EFCAB11: variants seen among roughly 807,000 people sequenced by gnomAD.
EFCAB11 encodes EF-hand calcium binding domain 11.
In EFCAB11, 14 loss-of-function variants were observed where a neutral mutation model predicts 23.0. The ratio of observed to expected loss-of-function variants is 0.61; its 90% CI spans 0.40 to 0.95. The LOEUF is 0.95. Among genes scored for constraint, EFCAB11 ranks in the 40% least tolerant of loss-of-function variants. The pLI is 0.00. For synonymous variants in EFCAB11, 65 were observed against 66.6 expected (o/e 0.98, Z 0.11); for missense variants, 198 against 195.8 (o/e 1.01, Z -0.07).
At chr14:89,904,955 G>A (rs1393336827) in intron 5 of EFCAB11, among the ~76,000 whole-genome samples, 7 of 152,130 alleles carry the variant, frequency 4.6e-5, no homozygotes, top group Admixed American at 4.6e-4. Flanking sequence ...CCACCCCTCA[G>A]GTTTTGAGAT....
At chr14:89,865,860 G>T (rs954639437) in intron 5 of EFCAB11, among the ~76,000 whole-genome samples, 3 of 151,962 alleles carry the variant, frequency 2.0e-5, no homozygotes, top group Admixed American at 1.3e-4. Flanking sequence ...TAGAGATGGG[G>T]TTTCACCATG....
At chr14:89,915,746 G>C (rs1054418313) in intron 5 of EFCAB11, among the ~76,000 whole-genome samples, 1 of 152,042 alleles carries the variant, frequency 6.6e-6, no homozygotes, top group Non-Finnish European at 1.5e-5. Flanking sequence ...CACTCAAAAA[G>C]CAAACACTGA....
At chr14:89,837,429 C>CT (rs974216922) in intron 5 of EFCAB11, among the ~76,000 whole-genome samples, 2 of 152,134 alleles carry the variant, frequency 1.3e-5, no homozygotes, top group Non-Finnish European at 2.9e-5. Flanking sequence ...CCAGGCAGCC[C>CT]TTCTCAATAG....
chr14:89,859,813 G>A (rs180744574), intron 5 of EFCAB11, among the ~76,000 whole-genome samples: 10 of 152,148 alleles, frequency 6.6e-5, no homozygotes, highest in African/African-American at 2.4e-4. Context: ...CTCTGATCAC[G>A]TCTGCAAATG....
chr14:89,906,269 T>C (rs1298515064), intron 5 of EFCAB11, among the ~76,000 whole-genome samples: 1 of 152,120 alleles, frequency 6.6e-6, no homozygotes, highest in Admixed American at 6.5e-5. Context: ...ATTTGACAAA[T>C]AGCCCAATAA....
intron 5 of EFCAB11, among the ~76,000 whole-genome samples, chr14:89,888,075 T>C (rs1199607011): frequency 1.3e-5 from 2 of 152,162 alleles, no homozygotes; most frequent in East Asian, 3.8e-4. Flanking sequence ...AATACAATGA[T>C]GAGAATTACA....
At position 89,795,784 on chromosome 14, in the gene EFCAB11, C is replaced by G. The variant is rs1157088017; in HGVS notation, c.*1459G>C. 2 of 152,164 alleles carry G rather than the reference C, an allele frequency of 1.3e-5. No homozygotes were observed. Among genetic ancestry groups the G allele is most frequent in the Admixed American group, 6.5e-5 (1 of 15,276 alleles). 9.4% of individuals were successfully genotyped at this position (152,164 alleles called of 1,614,324 possible). ...ATTTTACTTGACCTTTAAATTTTAA[C>G]ACTTAAAAAGTGAATTATATTAAAA... On this transcript the variant is annotated 3_prime_UTR_variant, in exon 6 of 6. Transcript: ENST00000316738.
Position 89,796,973 on chromosome 14 carries a change from A to G in EFCAB11, c.*270T>C, listed in dbSNP as rs1885595502. 9.3e-6 allele frequency: 2 copies of G among 215,260 alleles called. No homozygotes were observed. The highest frequency in any genetic ancestry group is 8.3e-5 in the South Asian group (1 of 12,106). 13.3% of individuals were successfully genotyped at this position (215,260 alleles called of 1,614,324 possible). A position where few individuals can be genotyped will look rare whatever the true frequency, so the allele number is the denominator to read the frequency against. On this transcript the variant is annotated 3_prime_UTR_variant, in exon 6 of 6. Coordinates refer to ENST00000316738, the MANE Select transcript of EFCAB11 (RefSeq NM_145231.4). ...GAGACCCCCGGCAGCAACCATCTCTAGGATTCTGAGATGCAAGTCTATCAT... is the reference window on the plus strand; with the variant it reads ...GAGACCCCCGGCAGCAACCATCTCTGGGATTCTGAGATGCAAGTCTATCAT...
intron 5 of EFCAB11, among the ~76,000 whole-genome samples, chr14:89,930,586 GATTTGACTGCTGAAACTTAAT>G (rs1474098477): frequency 4.6e-5 from 7 of 152,274 alleles, no homozygotes; most frequent in South Asian, 2.1e-4. Context: ...CTGGAATTCA[GATTTGACTGCTGAAACTTAAT>G]ATTTGACTGC....
intron 5 of EFCAB11, chr14:89,848,328 CCAGGA>C (rs1220987698): frequency 5.9e-5 from 9 of 152,062 alleles, no homozygotes; most frequent in African/African-American, 2.2e-4. Context: ...AAGCCAAAAC[CCAGGA>C]CATTTATTTT....
chr14:89,795,524 G>T lies in EFCAB11; in HGVS notation c.*1719C>A, dbSNP rs930935843. On this transcript the variant is annotated 3_prime_UTR_variant, in exon 6 of 6. Transcript: ENST00000316738. The stretch of plus-strand genomic sequence containing the variant: ...ACCCCTTCTCTACTAAAAATTAGCC[G>T]GGTGTGGCGGTACACACCTGTAAAC... 1 of 151,642 alleles carries T rather than the reference G, an allele frequency of 6.6e-6. No homozygotes were observed. Among genetic ancestry groups the T allele is most frequent in the African/African-American group, 2.4e-5 (1 of 41,286 alleles). 9.4% of individuals were successfully genotyped at this position (151,642 alleles called of 1,614,324 possible). A position where few individuals can be genotyped will look rare whatever the true frequency, so the allele number is the denominator to read the frequency against.
intron 5 of EFCAB11, among the ~76,000 whole-genome samples, chr14:89,812,206 A>G (rs558729177): frequency 6.0e-4 from 91 of 152,234 alleles, no homozygotes; most frequent in Non-Finnish European, 1.2e-3. Flanking sequence ...CCATTTTTAA[A>G]AAGTACCCAA....
At chr14:89,852,679 T>C (rs1887633864) in intron 5 of EFCAB11, among the ~76,000 whole-genome samples, 1 of 152,266 alleles carries the variant, frequency 6.6e-6, no homozygotes, top group Non-Finnish European at 1.5e-5. Context: ...TCTTTCTAGA[T>C]GTTTTATTCC....
At chr14:89,863,586 C>T (rs1436827116) in intron 5 of EFCAB11, among the ~76,000 whole-genome samples, 1 of 152,184 alleles carries the variant, frequency 6.6e-6, no homozygotes, top group Non-Finnish European at 1.5e-5. Flanking sequence ...ATGTTATTTG[C>T]TTTTCTTCCC....
At chr14:89,811,103 G>A (rs780676320) in intron 5 of EFCAB11, among the ~76,000 whole-genome samples, 3 of 151,962 alleles carry the variant, frequency 2.0e-5, no homozygotes, top group Non-Finnish European at 4.4e-5. Context: ...TAAGAGAGGT[G>A]CAGGTGGGGA....
At chr14:89,875,888 A>G (rs919565715) in intron 5 of EFCAB11, among the ~76,000 whole-genome samples, 4 of 152,188 alleles carry the variant, frequency 2.6e-5, no homozygotes, top group African/African-American at 9.6e-5. Context: ...GCAGAGTGCC[A>G]TTCACCAAGG....
intron 5 of EFCAB11, among the ~76,000 whole-genome samples, chr14:89,814,641 T>C (rs932849144): frequency 1.3e-5 from 2 of 151,022 alleles, no homozygotes; most frequent in Non-Finnish European, 3.0e-5. Context: ...GAGGTGGAGG[T>C]TGTGGTGAGC....
At chr14:89,882,647 C>A (rs953536362) in intron 5 of EFCAB11, among the ~76,000 whole-genome samples, 4 of 152,136 alleles carry the variant, frequency 2.6e-5, no homozygotes, top group African/African-American at 9.7e-5. Flanking sequence ...CAGAGTGTAC[C>A]TTCTTTGAAT....
intron 5 of EFCAB11, among the ~76,000 whole-genome samples, chr14:89,874,501 A>G (rs1319136015): frequency 6.6e-6 from 1 of 152,170 alleles, no homozygotes; most frequent in Non-Finnish European, 1.5e-5. Context: ...TTGCACTGTC[A>G]TGCTGCAGAT....
Sources: gnomAD v4.1 joint callset for allele counts (sites outside exome capture counted in the v4.1 genomes callset) on GRCh38, gnomAD v4.1.1 for gene constraint, MANE v1.5 for transcripts, NCBI Gene and HGNC (gene_info 2026-07-23, HGNC 2026-07-21) for gene names.